Variants in PMEPA1 observed in about 807,000 individuals in gnomAD.
PMEPA1 encodes protein TMEPAI.
Under a neutral mutation model 23.0 loss-of-function variants are expected in PMEPA1, and 11 were observed. The ratio of observed to expected loss-of-function variants is 0.48; its 90% CI spans 0.30 to 0.79. The LOEUF (loss-of-function observed/expected upper bound fraction) is 0.79. Ranked by LOEUF, PMEPA1 falls within the 30% of genes least tolerant of loss-of-function variation. The pLI is 0.06. For synonymous variants in PMEPA1, 204 were observed against 166.4 expected, an observed-to-expected ratio of 1.23 and a Z score of -1.74; for missense variants, 377 against 390.9, an observed-to-expected ratio of 0.96 and a Z score of 0.30.
At position 57,709,636 on chromosome 20, in the gene PMEPA1, G is replaced by C; in HGVS notation, c.-54C>G. On this transcript the variant is annotated 5_prime_UTR_variant, in exon 1 of 4. Coordinates refer to ENST00000341744, the MANE Select transcript of PMEPA1 (RefSeq NM_020182.5). ...CGGGGGGCTCGGGGGCGGCCGGGGG[G>C]GGCTCCGGCCGGCGCCCGGAGCTGG... The C allele has an allele frequency of 1.0e-6, 1 of 967,226 alleles. No homozygotes were observed. The highest frequency in any genetic ancestry group is 1.2e-6 in the Non-Finnish European group (1 of 811,374). 59.9% of individuals were successfully genotyped at this position (967,226 alleles called of 1,614,324 possible). A position where few individuals can be genotyped will look rare whatever the true frequency, so the allele number is the denominator to read the frequency against.
At chr20:57,678,211 G>C (rs115898453) in intron 1 of PMEPA1, among the ~76,000 whole-genome samples, 1 of 152,190 alleles carries the variant, frequency 6.6e-6, no homozygotes, top group Non-Finnish European at 1.5e-5. Context: ...GAAAGGTAAG[G>C]TTGATGGTTT....
chr20:57,691,144 TC>T (rs2071877110), intron 1 of PMEPA1, among the ~76,000 whole-genome samples: 1 of 152,206 alleles, frequency 6.6e-6, no homozygotes, highest in African/African-American at 2.4e-5. Context: ...GTTGTGTGTG[TC>T]CAAAACACTA....
At chr20:57,675,974 C>T (rs1416798601) in intron 1 of PMEPA1, among the ~76,000 whole-genome samples, 1 of 151,958 alleles carries the variant, frequency 6.6e-6, no homozygotes, top group Non-Finnish European at 1.5e-5. Context: ...TCCCTGTCCC[C>T]GCCCCACAGG....
At chr20:57,669,142 C>T (rs904482090) in intron 1 of PMEPA1, among the ~76,000 whole-genome samples, 3 of 145,520 alleles carry the variant, frequency 2.1e-5, no homozygotes, top group African/African-American at 5.1e-5. Flanking sequence ...TAAAAAAGCA[C>T]ATTTATTTAT....
intron 1 of PMEPA1, among the ~76,000 whole-genome samples, chr20:57,664,941 T>A (rs2071472631): frequency 6.6e-6 from 1 of 152,188 alleles, no homozygotes; most frequent in South Asian, 2.1e-4. Context: ...GTTTCCCTAA[T>A]CTGACAGACT....
In PMEPA1 at chr20:57,683,460, T is replaced by C. The variant is rs2071747887; in HGVS notation, c.110-23763A>G. On this transcript the variant is annotated intron_variant, in intron 1 of 3. Coordinates refer to ENST00000341744, the MANE Select transcript of PMEPA1 (RefSeq NM_020182.5). The surrounding 1 kb of genome is among the most constrained non-coding windows in gnomAD (Gnocchi z 4.3). Reference sequence around the variant, plus strand: ...TTTAATAGCCCATCCTTCAGGAACATTCCTGCTTGGGAGCTTCCTGGAGCG... The same window carrying C: ...TTTAATAGCCCATCCTTCAGGAACACTCCTGCTTGGGAGCTTCCTGGAGCG... 6.6e-6 allele frequency among the ~76,000 whole-genome samples: 1 copy of C among 152,052 alleles called. No individual in the cohort carries two copies. Among genetic ancestry groups the C allele is most frequent in the African/African-American group, 2.4e-5 (1 of 41,392 alleles).
chr20:57,700,279 G>A (rs2071994006), intron 1 of PMEPA1: 1 of 391,812 alleles, frequency 2.6e-6, no homozygotes. Context: ...CAGGGAAACT[G>A]AGGTACACAA....
At chr20:57,710,589 T>C, upstream of PMEPA1, 2 of 954,210 alleles carry the variant, frequency 2.1e-6, no homozygotes, top group Admixed American at 4.9e-5. Flanking sequence ...GGAACTCGCG[T>C]AGACACGCCC....
At chr20:57,659,435 C>T in intron 2 of PMEPA1, 108 bp downstream of exon 2, 1 of 1,248,022 alleles carries the variant, frequency 8.0e-7, no homozygotes, top group Non-Finnish European at 1.1e-6. Context: ...GTCTTCCTGC[C>T]CTGAATCTGT....
chr20:57,674,447 G>A (rs561332067), intron 1 of PMEPA1, among the ~76,000 whole-genome samples: 3 of 152,326 alleles, frequency 2.0e-5, no homozygotes, highest in South Asian at 2.1e-4. Flanking sequence ...CACACAGTCC[G>A]GGGTTATTTT....
intron 1 of PMEPA1, among the ~76,000 whole-genome samples, chr20:57,687,169 G>A (rs1033685325): frequency 6.6e-6 from 1 of 152,226 alleles, no homozygotes; most frequent in Non-Finnish European, 1.5e-5. Flanking sequence ...CTGCCAACGC[G>A]GAGGAATGAG....
chr20:57,685,775 T>C (rs2071793352), intron 1 of PMEPA1, among the ~76,000 whole-genome samples: 1 of 152,148 alleles, frequency 6.6e-6, no homozygotes, highest in African/African-American at 2.4e-5. Context: ...AGCAGCAATT[T>C]TGTTGTAGCA....
At position 57,660,119 on chromosome 20, in the gene PMEPA1, G is replaced by A. The variant is rs374922608; in HGVS notation, c.110-422C>T. Among the ~76,000 whole-genome samples the A allele has an allele frequency of 2.2e-4, 33 of 152,296 alleles. 1 individual carries two copies. The South Asian group carries it at 6.2e-3, about 29-fold the overall frequency. ...GGCTCCTGTCGCTGGGCAAAGGCTC[G>A]GGCAGACGGTCACAGACCCTTCTTA... On this transcript the variant is annotated intron_variant, in intron 1 of 3. Transcript: ENST00000341744.
rs2071419271 is a variant in PMEPA1, at chr20:57,661,567, T to A, written c.110-1870A>T. Among the ~76,000 whole-genome samples the A allele has an allele frequency of 2.0e-5, 3 of 152,112 alleles. No homozygotes were observed. The South Asian group carries it at 6.2e-4, about 32-fold the overall frequency. On this transcript the variant is annotated intron_variant, in intron 1 of 3. Coordinates refer to ENST00000341744, the MANE Select transcript of PMEPA1 (RefSeq NM_020182.5). Reference sequence around the variant, plus strand: ...TTCAAGCCCAGTGCCACTGACTCAGTTCCTCCTCCTCCCAGGACCGAGGAA... The same window carrying A: ...TTCAAGCCCAGTGCCACTGACTCAGATCCTCCTCCTCCCAGGACCGAGGAA...
At chr20:57,699,522 AG>A (rs2071983994) in intron 1 of PMEPA1, among the ~76,000 whole-genome samples, 1 of 152,330 alleles carries the variant, frequency 6.6e-6, no homozygotes, top group African/African-American at 2.4e-5. Flanking sequence ...ACCCCGCCAC[AG>A]TCTCTCTCCC....
chr20:57,679,718 G>T (rs559891252), intron 1 of PMEPA1, among the ~76,000 whole-genome samples: 1 of 152,220 alleles, frequency 6.6e-6, no homozygotes, highest in South Asian at 2.1e-4. Context: ...ATGCTGGAAG[G>T]GGGTGGTCAC....
chr20:57,651,961 C>T lies in PMEPA1; in HGVS notation c.*92G>A, dbSNP rs2071237307. The T allele has an allele frequency of 1.1e-5, 12 of 1,099,654 alleles. No homozygotes were observed. In the East Asian group the frequency reaches 1.4e-4, roughly 12 times the overall value. The allele number at this position is 1,099,654 out of a possible 1,614,324, so 68.1% of individuals were successfully genotyped here. On this transcript the variant is annotated 3_prime_UTR_variant, in exon 4 of 4. Transcript: ENST00000341744. ...GGGAGGGCCACACGATGCGTTGCTGCGCCCCCCGCCTTCCTCTCACTCCTC... is the reference window on the plus strand; with the variant it reads ...GGGAGGGCCACACGATGCGTTGCTGTGCCCCCCGCCTTCCTCTCACTCCTC...
At chr20:57,710,062 G>A (rs2146723417), upstream of PMEPA1, 1 of 992,222 alleles carries the variant, frequency 1.0e-6, no homozygotes, top group Non-Finnish European at 1.2e-6. Context: ...GGGGGCCGGG[G>A]AGGGGGCGCG....
rs771818630 is a variant in PMEPA1 at position 57,656,023 on chromosome 20, G to C, written c.265-2937C>G. Among the ~76,000 whole-genome samples, 3 of 152,030 alleles carry C rather than the reference G, an allele frequency of 2.0e-5. No individual in the cohort carries two copies. The highest frequency in any genetic ancestry group is 4.4e-5 in the Non-Finnish European group (3 of 67,996). On this transcript the variant is annotated intron_variant, in intron 2 of 3. Coordinates refer to ENST00000341744, the MANE Select transcript of PMEPA1 (RefSeq NM_020182.5). The surrounding 1 kb of genome is among the most constrained non-coding windows in gnomAD (Gnocchi z 4.7). ...AGGCAGCTCCTCCCAGACCCCTCCA[G>C]AGTCTTAACACCACGAGGCCAGAAC... is the stretch of plus-strand genomic sequence containing the variant.
Sources: gnomAD v4.1 joint callset for allele counts (sites outside exome capture counted in the v4.1 genomes callset) on GRCh38, gnomAD v4.1.1 for gene constraint, Gnocchi (gnomAD v3.1) non-coding constraint, MANE v1.5 for transcripts, NCBI Gene and HGNC (gene_info 2026-07-23, HGNC 2026-07-21) for gene names.